The following DPP10 variants were observed in gnomAD, a reference collection of about 807,000 sequenced individuals.
The protein encoded by DPP10 is inactive dipeptidyl peptidase 10.
Under a neutral mutation model 120.9 loss-of-function variants are expected in DPP10, and 33 were observed. That is an observed-to-expected ratio of 0.27 (90% CI 0.21 to 0.37). The LOEUF is 0.37. Ranked by LOEUF, DPP10 falls within the 10% of genes least tolerant of loss-of-function variation. The pLI, the probability that DPP10 is intolerant of heterozygous loss-of-function variation, is 1.00. For synonymous variants in DPP10, 337 were observed against 326.1 expected (o/e 1.03, Z -0.36); for missense variants, 816 against 942.8 (o/e 0.87, Z 1.76).
intron 5 of DPP10, among the ~76,000 whole-genome samples, chr2:115,688,032 A>G (rs867382674): frequency 6.5e-5 from 8 of 123,980 alleles, no homozygotes; most frequent in African/African-American, 1.3e-4. Context: ...GAGAGAGAGA[A>G]AAAGAGAGAG....
At chr2:115,061,194 G>A (rs1437637104) in intron 1 of DPP10, among the ~76,000 whole-genome samples, 1 of 152,164 alleles carries the variant, frequency 6.6e-6, no homozygotes, top group Non-Finnish European at 1.5e-5. Context: ...AAAGAGCAAA[G>A]ATAGAGATTC....
At chr2:115,703,541 G>A (rs948745269) in intron 7 of DPP10, among the ~76,000 whole-genome samples, 6 of 152,048 alleles carry the variant, frequency 3.9e-5, no homozygotes, top group African/African-American at 1.2e-4. Flanking sequence ...TAAATCTGTC[G>A]GGCAGGTTGG....
At chr2:114,662,375 A>G (rs1488505155) in intron 1 of DPP10, among the ~76,000 whole-genome samples, 2 of 152,180 alleles carry the variant, frequency 1.3e-5, no homozygotes, top group Non-Finnish European at 2.9e-5. Context: ...GCTGCAGAGA[A>G]GCTTCCACTC....
intron 12 of DPP10, among the ~76,000 whole-genome samples, chr2:115,764,343 T>A (rs1268951012): frequency 6.6e-6 from 1 of 152,122 alleles, no homozygotes; most frequent in Non-Finnish European, 1.5e-5. Flanking sequence ...TGTTTGTATA[T>A]ATATTACGAG....
At chr2:115,496,877 G>T (rs1463267599) in intron 3 of DPP10, among the ~76,000 whole-genome samples, 3 of 152,028 alleles carry the variant, frequency 2.0e-5, no homozygotes, top group Non-Finnish European at 2.9e-5. Flanking sequence ...GGTTTTTCAA[G>T]GAAAGTTTGG....
chr2:115,728,399 A>T (rs1438197227), intron 8 of DPP10, among the ~76,000 whole-genome samples: 1 of 152,132 alleles, frequency 6.6e-6, no homozygotes, highest in African/African-American at 2.4e-5. Flanking sequence ...TAAAACCCAC[A>T]TAAAGAGTTA....
Position 114,556,949 on chromosome 2 carries a change from G to A in DPP10, c.60+114111G>A, listed in dbSNP as rs191749446. ...GGAGGACCAAAACCAACTGGAGTGG[G>A]GTGAGGAGAAAAAATAGAAATTAGG... is the stretch of plus-strand genomic sequence containing the variant. On this transcript the variant is annotated intron_variant, in intron 1 of 25. Coordinates refer to ENST00000410059, the MANE Select transcript of DPP10 (RefSeq NM_020868.6). Among the ~76,000 whole-genome samples the A allele has an allele frequency of 7.4e-4, 112 of 151,322 alleles. 1 individual carries two copies. Among genetic ancestry groups the A allele is most frequent in the African/African-American group, 2.6e-3 (108 of 41,278 alleles).
chr2:114,675,770 A>G (rs765499012), intron 1 of DPP10, among the ~76,000 whole-genome samples: 7 of 151,892 alleles, frequency 4.6e-5, no homozygotes, highest in Non-Finnish European at 1.0e-4. Flanking sequence ...AAGTATAAAT[A>G]TGTATTTACC....
intron 1 of DPP10, among the ~76,000 whole-genome samples, chr2:115,139,760 A>T (rs2050828087): frequency 6.7e-6 from 1 of 149,624 alleles, no homozygotes; most frequent in South Asian, 2.1e-4. Flanking sequence ...AAAAATTAAG[A>T]TACTACTTTG....
At chr2:115,150,705 G>A (rs891377444) in intron 1 of DPP10, among the ~76,000 whole-genome samples, 5 of 152,112 alleles carry the variant, frequency 3.3e-5, no homozygotes, top group African/African-American at 4.8e-5. Flanking sequence ...TGGAATGTTC[G>A]CAGTGGCTCT....
At chr2:115,355,347 T>C (rs1180448875) in intron 3 of DPP10, among the ~76,000 whole-genome samples, 3 of 152,186 alleles carry the variant, frequency 2.0e-5, no homozygotes, top group Non-Finnish European at 2.9e-5. Flanking sequence ...TTGTTGGCCG[T>C]GTACATGTCT....
At chr2:114,632,834 T>A (rs2105383744) in intron 1 of DPP10, among the ~76,000 whole-genome samples, 1 of 152,216 alleles carries the variant, frequency 6.6e-6, no homozygotes. Flanking sequence ...TTTATATCAA[T>A]GGGTTTCAAT....
At chr2:115,598,077 T>G (rs2083096025) in intron 5 of DPP10, among the ~76,000 whole-genome samples, 2 of 152,070 alleles carry the variant, frequency 1.3e-5, no homozygotes, top group South Asian at 4.1e-4. Context: ...TATTGCTACT[T>G]CAGCCTTCTG....
chr2:114,530,922 A>G lies in DPP10; in HGVS notation c.60+88084A>G, dbSNP rs1430105. ...ACATTTTTACATTATGTGAATTTGCATAAGTAAATTATCCAGAATAATTTA... is the reference window on the plus strand; with the variant it reads ...ACATTTTTACATTATGTGAATTTGCGTAAGTAAATTATCCAGAATAATTTA... On this transcript the variant is annotated intron_variant, in intron 1 of 25. Coordinates refer to ENST00000410059, the MANE Select transcript of DPP10 (RefSeq NM_020868.6). Among the ~76,000 whole-genome samples the G allele has an allele frequency of 2.6e-4, 40 of 152,288 alleles. No homozygotes were observed. The East Asian group carries it at 7.1e-3, about 27-fold the overall frequency.
At chr2:115,208,719 A>G (rs778732084) in intron 1 of DPP10, among the ~76,000 whole-genome samples, 1 of 151,980 alleles carries the variant, frequency 6.6e-6, no homozygotes. Flanking sequence ...GAAATGGACA[A>G]GGTTGTGGGT....
intron 1 of DPP10, among the ~76,000 whole-genome samples, chr2:114,474,205 C>T (rs1680184369): frequency 6.6e-6 from 1 of 152,236 alleles, no homozygotes; most frequent in Non-Finnish European, 1.5e-5. Flanking sequence ...ATCCACCCGC[C>T]TTGGCCTCCC....
chr2:115,783,675 G>C (rs1253143250), intron 17 of DPP10, among the ~76,000 whole-genome samples: 1 of 152,014 alleles, frequency 6.6e-6, no homozygotes, highest in Non-Finnish European at 1.5e-5. Flanking sequence ...ACCTTAAAAA[G>C]ATTATGTTAA....
At chr2:115,311,520 T>G (rs955150667) in intron 2 of DPP10, among the ~76,000 whole-genome samples, 1 of 152,298 alleles carries the variant, frequency 6.6e-6, no homozygotes, top group East Asian at 1.9e-4. Context: ...TAACCTGAAG[T>G]TAGTCTCCTG....
At chr2:115,317,824 T>C (rs1421753336) in intron 2 of DPP10, among the ~76,000 whole-genome samples, 1 of 152,120 alleles carries the variant, frequency 6.6e-6, no homozygotes, top group African/African-American at 2.4e-5. Context: ...TTGCTGGTTT[T>C]ACTGATAGTG....
Sources: gnomAD v4.1 joint callset for allele counts (sites outside exome capture counted in the v4.1 genomes callset) on GRCh38, gnomAD v4.1.1 for gene constraint, MANE v1.5 for transcripts, NCBI Gene and HGNC (gene_info 2026-07-23, HGNC 2026-07-21) for gene names.